The following DHRS2 variants were observed in gnomAD, a reference collection of about 807,000 sequenced individuals.
DHRS2 encodes dehydrogenase/reductase SDR family member 2, mitochondrial.
In DHRS2, 29 loss-of-function variants were observed where a neutral mutation model predicts 26.3. The ratio of observed to expected loss-of-function variants is 1.10; its 90% CI spans 0.82 to 1.50. DHRS2 has a LOEUF of 1.50. DHRS2 is among the 40% of genes most tolerant of loss of function. The pLI, the probability that DHRS2 is intolerant of heterozygous loss-of-function variation, is 0.00. For synonymous variants in DHRS2, 164 were observed against 151.3 expected (o/e 1.08, Z -0.62); for missense variants, 439 against 367.1 (o/e 1.20, Z -1.60).
Position 23,645,067 on chromosome 14 carries a change from A to G in DHRS2, c.732-75A>G. Reference sequence around the variant, plus strand: ...CTTGTTCCCCATGGAGCCCACTCCCACCTGTCATCCGTGAGCCCCAGAGCA... The same window carrying G: ...CTTGTTCCCCATGGAGCCCACTCCCGCCTGTCATCCGTGAGCCCCAGAGCA... On this transcript the variant is annotated intron_variant, in intron 8 of 8. Transcript: ENST00000250383. 7 of 1,603,474 alleles carry G rather than the reference A, an allele frequency of 4.4e-6. No homozygotes were observed. The South Asian group carries it at 7.8e-5, about 18-fold the overall frequency.
In DHRS2 at chr14:23,636,611, G is replaced by T. The variant is rs1043388868; in HGVS notation, c.-200G>T. On this transcript the variant is annotated 5_prime_UTR_variant, in exon 1 of 9. It removes the in-frame stop codon of an upstream open reading frame in the 5' UTR. Transcript: ENST00000250383. ...CGCAAGGGTCTGCAACTTCATTCTT[G>T]AAGTCAGTGAGGCCAAGAACCCATC... 3 of 152,022 alleles carry T rather than the reference G, an allele frequency of 2.0e-5. No homozygotes were observed. The highest frequency in any genetic ancestry group is 7.2e-5 in the African/African-American group (3 of 41,390). The allele number at this position is 152,022 out of a possible 1,614,324, so 9.4% of individuals were successfully genotyped here. A position where few individuals can be genotyped will look rare whatever the true frequency, so the allele number is the denominator to read the frequency against.
At chr14:23,639,047 C>T (rs1176822727) in intron 2 of DHRS2, 43 bp downstream of exon 2, 3 of 1,602,750 alleles carry the variant, frequency 1.9e-6, no homozygotes, top group Middle Eastern at 2.2e-4. Context: ...CTCACAGGGT[C>T]CTTGTGGCTT....
chr14:23,638,878 T>C lies in DHRS2; in HGVS notation c.14T>C (p.Val5Ala). The C allele has an allele frequency of 6.2e-7, 1 of 1,614,020 alleles. No individual in the cohort carries two copies. The highest frequency in any genetic ancestry group is 8.5e-7 in the Non-Finnish European group (1 of 1,179,928). MLSA[V>A]ARGYQGWFHP... ...ACACCAACCACTATGCTGTCAGCAG[T>C]TGCCCGGGGCTACCAGGGCTGGTTT... Residue 5 changes from valine (V) to alanine (A), a missense_variant, in exon 2 of 9, where the codon GTT becomes GCT. Physicochemically the swap from Val to Ala is moderately conservative, Grantham distance 64 (BLOSUM62 0). Transcript: ENST00000250383.
At chr14:23,643,947 G>GA in intron 5 of DHRS2, 164 bp from the exon 6 acceptor site, 1 of 705,776 alleles carries the variant, frequency 1.4e-6, no homozygotes, top group Non-Finnish European at 2.6e-6. Flanking sequence ...GTATTGGCTG[G>GA]TACTAAACCT....
intron 4 of DHRS2, chr14:23,640,389 T>G: frequency 1.0e-6 from 1 of 985,464 alleles, no homozygotes; most frequent in Non-Finnish European, 1.2e-6. Context: ...CAGGACCAGA[T>G]CCAGCCATCA....
chr14:23,632,748 A>C (rs970548368), upstream of DHRS2, among the ~76,000 whole-genome samples: 1 of 152,232 alleles, frequency 6.6e-6, no homozygotes, highest in East Asian at 1.9e-4. Flanking sequence ...TGGAGTGGCC[A>C]GAGCATGTCT....
Position 23,639,235 on chromosome 14 carries a change from G to A in DHRS2, c.197G>A (p.Ser66Asn), listed in dbSNP as rs1377732036. The change falls in exon 3 of 9, where the codon AGC (serine) becomes AAC (asparagine). Residue 66 changes from serine to asparagine, a missense_variant. Coordinates refer to ENST00000250383, the MANE Select transcript of DHRS2 (RefSeq NM_005794.4). ...LARDGAHVVI[S>N]SRKQQNVDRA... Reference sequence around the variant, plus strand: ...CGGGACGGGGCCCACGTGGTCATCAGCAGCCGGAAGCAGCAGAACGTGGAC... The same window carrying A: ...CGGGACGGGGCCCACGTGGTCATCAACAGCCGGAAGCAGCAGAACGTGGAC... 1 of 1,613,730 alleles carries A rather than the reference G, an allele frequency of 6.2e-7. No individual in the cohort carries two copies. Among genetic ancestry groups the A allele is most frequent in the African/African-American group, 1.3e-5 (1 of 74,942 alleles).
In DHRS2 at chr14:23,636,569, A is replaced by G. The variant is rs534994144; in HGVS notation, c.-242A>G. 1 of 152,326 alleles carries G rather than the reference A, an allele frequency of 6.6e-6. No individual in the cohort carries two copies. Among genetic ancestry groups the G allele is most frequent in the South Asian group, 2.1e-4 (1 of 4,814 alleles). The allele number at this position is 152,326 out of a possible 1,614,324, so 9.4% of individuals were successfully genotyped here. ...AACAACTCTGGACACACCATCTTTA[A>G]GAACCGTAATACTCACCGCAAGGGT... On this transcript the variant is annotated 5_prime_UTR_variant, in exon 1 of 9. Coordinates refer to ENST00000250383, the MANE Select transcript of DHRS2 (RefSeq NM_005794.4).
chr14:23,639,198 C>T lies in DHRS2; in HGVS notation c.160C>T (p.Arg54Ter), dbSNP rs199596675. 1.3e-4 allele frequency: 210 copies of T among 1,613,576 alleles called. 1 individual carries two copies. The Middle Eastern group carries it at 2.2e-3, about 17-fold the overall frequency. Residue 54 changes from arginine to a stop codon, truncating the protein, a stop_gained, in exon 3 of 9, where the codon CGA becomes TGA. Coordinates refer to ENST00000250383, the MANE Select transcript of DHRS2 (RefSeq NM_005794.4). LOFTEE classifies it high-confidence loss of function. ...ATTCAGGATCGGCTTTGCCATCGCC[C>T]GACGTCTGGCCCGGGACGGGGCCCA... Reference protein sequence around the residue: ...STSGIGFAIARRLARDGAHVV... With the variant: ...STSGIGFAIA
chr14:23,638,013 C>T (rs1890422175), intron 1 of DHRS2: 1 of 152,220 alleles, frequency 6.6e-6, no homozygotes, highest in Non-Finnish European at 1.5e-5. Context: ...TCGCTCTTTG[C>T]AATAAATCTT....
rs533508844 is a variant in DHRS2, at chr14:23,639,009, G to T, written c.140+5G>T. 6 of 1,612,494 alleles carry T rather than the reference G, an allele frequency of 3.7e-6. No homozygotes were observed. In the East Asian group the frequency reaches 1.3e-4, roughly 36 times the overall value. ...GGTCACGGGGTCCACCAGTGGGTGAGTGCTGGATTGCCCATGGGTCCTGGC... is the reference window on the plus strand; with the variant it reads ...GGTCACGGGGTCCACCAGTGGGTGATTGCTGGATTGCCCATGGGTCCTGGC... On this transcript the variant is annotated splice_donor_5th_base_variant and intron_variant, in intron 2 of 8. Transcript: ENST00000250383.
chr14:23,639,892 C>G lies in DHRS2; in HGVS notation c.417C>G (p.Asp139Glu), dbSNP rs1003164143. 6.3e-7 allele frequency: 1 copy of G among 1,599,316 alleles called. No individual in the cohort carries two copies. Among genetic ancestry groups the G allele is most frequent in the Non-Finnish European group, 8.5e-7 (1 of 1,172,892 alleles). The stretch of plus-strand genomic sequence containing the variant: ...TGGGGACCAGTGAGCAGATCTGGGA[C>G]AAGGTGAGAGGCCTCCCCTGGGGAG... ...STLGTSEQIW[D>E]KILSVNVKSP... The change falls in exon 4 of 9, where the codon GAC becomes GAG. Residue 139 changes from aspartate to glutamate, a missense_variant. Coordinates refer to ENST00000250383, the MANE Select transcript of DHRS2 (RefSeq NM_005794.4).
chr14:23,634,064 T>A (rs900618442), upstream of DHRS2, among the ~76,000 whole-genome samples: 3 of 127,914 alleles, frequency 2.3e-5, no homozygotes, highest in African/African-American at 9.1e-5. Context: ...CCCTTCTTTT[T>A]TTTTTTTTTT....
upstream of DHRS2, among the ~76,000 whole-genome samples, chr14:23,636,031 T>A (rs531334556): frequency 5.9e-5 from 9 of 152,084 alleles, no homozygotes; most frequent in African/African-American, 2.2e-4. Context: ...TAGCTAAAGG[T>A]TTGTAAATGC....
upstream of DHRS2, among the ~76,000 whole-genome samples, chr14:23,632,098 G>A (rs928722924): frequency 6.6e-6 from 1 of 152,172 alleles, no homozygotes; most frequent in African/African-American, 2.4e-5. Context: ...CATCTCACAG[G>A]TGCTGTTACT....
intron 4 of DHRS2, chr14:23,641,112 T>G (rs1890641637): frequency 6.5e-6 from 1 of 154,200 alleles, no homozygotes; most frequent in African/African-American, 2.4e-5. Flanking sequence ...CAGAAATCAT[T>G]GATGACTCGT....
intron 3 of DHRS2, 88 bp downstream of exon 3, chr14:23,639,444 A>T: frequency 6.9e-7 from 1 of 1,444,140 alleles, no homozygotes; most frequent in Non-Finnish European, 9.1e-7. Context: ...TGGGTCTAGA[A>T]TATGTCCTGA....
intron 1 of DHRS2, among the ~76,000 whole-genome samples, chr14:23,631,134 A>G (rs1890106642): frequency 6.6e-6 from 1 of 152,258 alleles, no homozygotes; most frequent in Admixed American, 6.5e-5. Flanking sequence ...GGCCATTTCA[A>G]AAAATGTCAA....
rs369479721 is a variant in DHRS2, at chr14:23,645,173, G to T, written c.763G>T (p.Val255Leu). The change falls in exon 9 of 9, where the codon GTG becomes TTG. Residue 255 changes from valine to leucine, a missense_variant. Coordinates refer to ENST00000250383, the MANE Select transcript of DHRS2 (RefSeq NM_005794.4). ...GGAGTCAGAGGACTGTGCAGGAATC[G>T]TGTCCTTCCTGTGCTCTCCAGATGC... ...IGESEDCAGI[V>L]SFLCSPDASY... 1 of 1,613,996 alleles carries T rather than the reference G, an allele frequency of 6.2e-7. No individual in the cohort carries two copies. Among genetic ancestry groups the T allele is most frequent in the African/African-American group, 1.3e-5 (1 of 74,918 alleles).
Sources: allele counts gnomAD v4.1 joint callset (sites outside exome capture counted in the v4.1 genomes callset), GRCh38; gene constraint gnomAD v4.1.1; transcripts MANE v1.5; gene names NCBI Gene and HGNC (gene_info 2026-07-23, HGNC 2026-07-21).